Variants in ADTRP observed in about 807,000 individuals in gnomAD.
The protein encoded by ADTRP is androgen dependent TFPI regulating protein, also known as androgen-dependent TFPI-regulating protein.
Under a neutral mutation model 27.0 loss-of-function variants are expected in ADTRP, and 20 were observed. The observed-to-expected ratio is 0.74, with a 90% confidence interval of 0.52 to 1.08. The LOEUF is 1.08. ADTRP is among the 50% of genes least tolerant of loss of function. The probability of loss-of-function intolerance (pLI) is 0.00; values close to 1 mark genes in which losing one functional copy is unlikely to be tolerated. For synonymous variants in ADTRP, 101 were observed against 105.2 expected (o/e 0.96, Z 0.25); for missense variants, 251 against 275.0 (o/e 0.91, Z 0.62).
chr6:11,737,871 A>T lies in ADTRP; in HGVS notation c.391-2188T>A, dbSNP rs146286732. 1.3e-3 allele frequency among the ~76,000 whole-genome samples: 202 copies of T among 152,284 alleles called. 1 individual carries two copies. Among genetic ancestry groups the T allele is most frequent in the Middle Eastern group, 0.01 (3 of 294 alleles). On this transcript the variant is annotated intron_variant, in intron 3 of 5. Transcript: ENST00000414691. ...GGAAAGACTCCCAGGCCCCCGTCGCACCTTGCATATTTCTTCAGTCTGATT... is the reference window on the plus strand; with the variant it reads ...GGAAAGACTCCCAGGCCCCCGTCGCTCCTTGCATATTTCTTCAGTCTGATT...
At chr6:11,715,565 A>C (rs1465666434) in intron 5 of ADTRP, among the ~76,000 whole-genome samples, 1 of 151,772 alleles carries the variant, frequency 6.6e-6, no homozygotes, top group Non-Finnish European at 1.5e-5. Flanking sequence ...CAGTCACTTC[A>C]GCCGAGGCTT....
chr6:11,733,538 C>T (rs1451028420), intron 4 of ADTRP, among the ~76,000 whole-genome samples: 1 of 152,166 alleles, frequency 6.6e-6, no homozygotes, highest in African/African-American at 2.4e-5. Flanking sequence ...TTTAAGAAGC[C>T]AGTCCTGCAC....
At position 11,723,594 on chromosome 6, in the gene ADTRP, G is replaced by A. The variant is rs144404086; in HGVS notation, c.507-94C>T. 598 of 1,455,160 alleles carry A rather than the reference G, an allele frequency of 4.1e-4. 2 individuals carry two copies. In the African/African-American group the frequency reaches 7.4e-3, roughly 18 times the overall value. 90.1% of individuals were successfully genotyped at this position (1,455,160 alleles called of 1,614,324 possible). A position where few individuals can be genotyped will look rare whatever the true frequency, so the allele number is the denominator to read the frequency against. On this transcript the variant is annotated intron_variant, in intron 4 of 5. Transcript: ENST00000414691. ...TAATGAGGTACTGGTACCCAGGCAG[G>A]GGAAGAGAACCCATCAGGGACGTTT...
chr6:11,720,602 G>C (rs572846430), intron 5 of ADTRP, among the ~76,000 whole-genome samples: 1 of 152,050 alleles, frequency 6.6e-6, no homozygotes, highest in Admixed American at 6.6e-5. Context: ...CTCCCGCGTA[G>C]CTGGGACTAC....
At chr6:11,715,657 T>C (rs1464154483) in intron 5 of ADTRP, among the ~76,000 whole-genome samples, 1 of 147,638 alleles carries the variant, frequency 6.8e-6, no homozygotes, top group Non-Finnish European at 1.5e-5. Context: ...CCTTTTTTTT[T>C]TTTTTTTTTT....
chr6:11,770,094 G>GA, intron 1 of ADTRP: 1 of 1,543,190 alleles, frequency 6.5e-7, no homozygotes, highest in Non-Finnish European at 8.7e-7. Flanking sequence ...GCTAGACTTC[G>GA]AAAAAATAAA....
chr6:11,734,381 A>T (rs1294913235), intron 4 of ADTRP, among the ~76,000 whole-genome samples: 1 of 152,244 alleles, frequency 6.6e-6, no homozygotes, highest in African/African-American at 2.4e-5. Flanking sequence ...ATCAACTATC[A>T]GTAGGACCCA....
At chr6:11,771,558 C>CGAT (rs981804527) in intron 1 of ADTRP, among the ~76,000 whole-genome samples, 23 of 152,260 alleles carry the variant, frequency 1.5e-4, no homozygotes, top group Middle Eastern at 6.8e-3. Context: ...TCTCCAAAGA[C>CGAT]GATGCAATGT....
At chr6:11,759,061 T>G (rs1219962282) in intron 3 of ADTRP, among the ~76,000 whole-genome samples, 5 of 152,216 alleles carry the variant, frequency 3.3e-5, no homozygotes, top group African/African-American at 1.2e-4. Flanking sequence ...CCTGCTCACC[T>G]GGCAGGGAGT....
intron 5 of ADTRP, among the ~76,000 whole-genome samples, chr6:11,720,813 T>C (rs1181246734): frequency 2.0e-5 from 3 of 152,138 alleles, no homozygotes; most frequent in Non-Finnish European, 4.4e-5. Flanking sequence ...CACCCTCCTA[T>C]ACTCCTTAAA....
intron 5 of ADTRP, among the ~76,000 whole-genome samples, chr6:11,722,365 A>G (rs1762046795): frequency 6.6e-6 from 1 of 152,116 alleles, no homozygotes; most frequent in Non-Finnish European, 1.5e-5. Context: ...GAACCTTCTG[A>G]AACTGTCAGG....
intron 3 of ADTRP, among the ~76,000 whole-genome samples, chr6:11,745,170 ATC>A (rs56245898): frequency 0.18 from 27,145 of 147,568 alleles, 3,611 homozygotes; most frequent in African/African-American, 0.36. Context: ...GGGTTAGTCA[ATC>A]TCTCTCTCTC....
intron 2 of ADTRP, 131 bp downstream of exon 2, chr6:11,768,118 G>A (rs187452465): frequency 1.8e-4 from 200 of 1,141,882 alleles, no homozygotes; most frequent in Non-Finnish European, 2.0e-4. Flanking sequence ...GCAGTCCTCA[G>A]ACAGGACATT....
At chr6:11,725,079 T>C (rs1762143209) in intron 4 of ADTRP, among the ~76,000 whole-genome samples, 1 of 152,238 alleles carries the variant, frequency 6.6e-6, no homozygotes. Context: ...GGGTGATCTC[T>C]GTCATTTCAA....
rs190139949 is a variant in ADTRP at position 11,754,285 on chromosome 6, T to C, written c.390+11989A>G. ...CATTGTAAAGTTTTAGAGGAAATGA[T>C]AAATCCAGCAAATGCATGAGAGTGA... On this transcript the variant is annotated intron_variant, in intron 3 of 5. Coordinates refer to ENST00000414691, the MANE Select transcript of ADTRP (RefSeq NM_032744.4). Among the ~76,000 whole-genome samples the C allele has an allele frequency of 1.2e-4, 18 of 152,258 alleles. No homozygotes were observed. In the East Asian group the frequency reaches 3.3e-3, roughly 28 times the overall value.
intron 4 of ADTRP, among the ~76,000 whole-genome samples, chr6:11,728,165 T>G (rs1312498205): frequency 6.6e-6 from 1 of 152,190 alleles, no homozygotes; most frequent in Non-Finnish European, 1.5e-5. Context: ...CCTCCTTCAT[T>G]CCATTTGGGT....
chr6:11,743,705 T>C (rs1171438755), intron 3 of ADTRP, among the ~76,000 whole-genome samples: 3 of 152,194 alleles, frequency 2.0e-5, no homozygotes, highest in Non-Finnish European at 4.4e-5. Context: ...CATTGTTTAA[T>C]CTATTCTGGC....
At chr6:11,747,487 T>A (rs941749191) in intron 3 of ADTRP, among the ~76,000 whole-genome samples, 2 of 152,196 alleles carry the variant, frequency 1.3e-5, no homozygotes, top group African/African-American at 4.8e-5. Context: ...AACGCTGAAA[T>A]CTCCTCTGTT....
At chr6:11,714,602 G>A in intron 5 of ADTRP, 90 bp from the exon 6 acceptor site, 5 of 1,468,480 alleles carry the variant, frequency 3.4e-6, no homozygotes, top group Non-Finnish European at 3.7e-6. Context: ...TCTGACTTGG[G>A]GCAGTGGAAA....
Sources: gnomAD v4.1 joint callset for allele counts (sites outside exome capture counted in the v4.1 genomes callset) on GRCh38, gnomAD v4.1.1 for gene constraint, MANE v1.5 for transcripts, NCBI Gene and HGNC (gene_info 2026-07-23, HGNC 2026-07-21) for gene names.